The following ATL2 variants were observed in gnomAD, a reference collection of about 807,000 sequenced individuals.
ATL2 encodes atlastin GTPase 2.
In ATL2, 31 loss-of-function variants were observed where a neutral mutation model predicts 73.9. That is an observed-to-expected ratio of 0.42 (90% CI 0.32 to 0.57). ATL2 has a LOEUF of 0.57. Among genes scored for constraint, ATL2 ranks in the 20% least tolerant of loss-of-function variants. The pLI, the probability that ATL2 is intolerant of heterozygous loss-of-function variation, is 0.14. For missense variants in ATL2, 738 were observed against 702.6 expected (o/e 1.05, Z -0.57); for synonymous variants, 291 against 237.5 (o/e 1.23, Z -2.07).
At chr2:38,339,160 G>C (rs1669549549) in intron 2 of ATL2, among the ~76,000 whole-genome samples, 1 of 152,150 alleles carries the variant, frequency 6.6e-6, no homozygotes, top group African/African-American at 2.4e-5. Flanking sequence ...AGGTTGCAGT[G>C]AGCCGAGACT....
intron 2 of ATL2, among the ~76,000 whole-genome samples, chr2:38,340,218 G>A (rs1051346626): frequency 9.5e-5 from 14 of 147,620 alleles, no homozygotes; most frequent in Non-Finnish European, 2.1e-4. Context: ...ACACAAAGTG[G>A]GGGTTGTTCT....
At chr2:38,325,899 GTTTGT>G (rs1267852793) in intron 2 of ATL2, among the ~76,000 whole-genome samples, 8 of 31,514 alleles carry the variant, frequency 2.5e-4, no homozygotes, top group African/African-American at 1.0e-3. Flanking sequence ...TTGTTTGTTT[GTTTGT>G]TTAAAAAAAA....
At chr2:38,297,969 T>G in intron 12 of ATL2, 175 bp downstream of exon 12, 2 of 649,896 alleles carry the variant, frequency 3.1e-6, no homozygotes, top group Non-Finnish European at 5.1e-6. Flanking sequence ...ACATTAAAAT[T>G]ATAACTTTAA....
At chr2:38,355,087 G>C (rs1670580804) in intron 1 of ATL2, among the ~76,000 whole-genome samples, 2 of 149,278 alleles carry the variant, frequency 1.3e-5, no homozygotes, top group South Asian at 2.2e-4. Flanking sequence ...AAAACGCAGA[G>C]ACTGCCAGAC....
At chr2:38,353,513 A>T (rs1274963371) in intron 1 of ATL2, among the ~76,000 whole-genome samples, 7 of 152,210 alleles carry the variant, frequency 4.6e-5, no homozygotes, top group Non-Finnish European at 1.5e-5. Flanking sequence ...GTGAGGCTGG[A>T]GCTGAAAAAA....
At chr2:38,321,484 T>C (rs1031076618) in intron 2 of ATL2, among the ~76,000 whole-genome samples, 2 of 152,132 alleles carry the variant, frequency 1.3e-5, no homozygotes, top group East Asian at 3.9e-4. Context: ...ATTTTGACAC[T>C]CCCCGGACAA....
At chr2:38,356,376 A>C (rs1469092631) in intron 1 of ATL2, among the ~76,000 whole-genome samples, 1 of 151,484 alleles carries the variant, frequency 6.6e-6, no homozygotes, top group Admixed American at 6.6e-5. Flanking sequence ...TTTTGTAGAG[A>C]TAGGGTTTCA....
At chr2:38,338,499 C>T (rs976186357) in intron 2 of ATL2, among the ~76,000 whole-genome samples, 2 of 151,266 alleles carry the variant, frequency 1.3e-5, no homozygotes, top group African/African-American at 4.9e-5. Context: ...TGGATTGTAA[C>T]TCAAGTATAA....
At chr2:38,301,773 T>G (rs1255262141) in intron 9 of ATL2, among the ~76,000 whole-genome samples, 2 of 152,174 alleles carry the variant, frequency 1.3e-5, no homozygotes, top group Admixed American at 6.5e-5. Flanking sequence ...CTGCAATTCC[T>G]GGGCAGGTCC....
chr2:38,371,068 C>T (rs988509298), intron 1 of ATL2, among the ~76,000 whole-genome samples: 27 of 152,242 alleles, frequency 1.8e-4, no homozygotes, highest in Admixed American at 1.0e-3. Context: ...CTTTTGGCAT[C>T]CCACAAATTC....
intron 1 of ATL2, among the ~76,000 whole-genome samples, chr2:38,353,082 T>A (rs761422111): frequency 6.6e-6 from 1 of 151,972 alleles, no homozygotes; most frequent in Non-Finnish European, 1.5e-5. Context: ...AAGAAGGAAA[T>A]GTAGCCCATA....
At chr2:38,304,048 G>A (rs945501998) in intron 9 of ATL2, among the ~76,000 whole-genome samples, 2 of 152,166 alleles carry the variant, frequency 1.3e-5, no homozygotes, top group Admixed American at 6.5e-5. Flanking sequence ...AGGATCACTT[G>A]AGGCCAGGAG....
Position 38,371,769 on chromosome 2 carries a change from G to A in ATL2, c.118+5374C>T, listed in dbSNP as rs577996410. 5.3e-4 allele frequency among the ~76,000 whole-genome samples: 80 copies of A among 152,064 alleles called. 1 individual carries two copies. The East Asian group carries it at 6.2e-3, about 12-fold the overall frequency. ...AAAAATTAGCTGGACGTGGTGGCAC[G>A]CGTCTGTAGTCCCAGATACTCAGGG... On this transcript the variant is annotated intron_variant, in intron 1 of 12. Transcript: ENST00000378954.
At position 38,318,915 on chromosome 2, in the gene ATL2, T is replaced by C. The variant is rs759672367; in HGVS notation, c.468A>G (p.Val156=). ...TTCCATTAGGTCTGTCAATCACAAATACTTCATTCCAAACTTGTATGCCTG... is the reference window on the plus strand; with the variant it reads ...TTCCATTAGGTCTGTCAATCACAAACACTTCATTCCAAACTTGTATGCCTG... ...ETTGIQVWNE[V]FVIDRPNGTK... is the part of the protein sequence containing the mutation. The change falls in exon 3 of 13, where the codon GTA becomes GTG. Residue 156 remains valine, a synonymous_variant. Transcript: ENST00000378954. 5 of 1,614,006 alleles carry C rather than the reference T, an allele frequency of 3.1e-6. No individual in the cohort carries two copies. Among genetic ancestry groups the C allele is most frequent in the Non-Finnish European group, 4.2e-6 (5 of 1,179,974 alleles).
At chr2:38,373,626 T>C (rs1221602713) in intron 1 of ATL2, among the ~76,000 whole-genome samples, 1 of 152,208 alleles carries the variant, frequency 6.6e-6, no homozygotes, top group Non-Finnish European at 1.5e-5. Context: ...TGAAGGTGGC[T>C]ACTTAAATAC....
intron 9 of ATL2, among the ~76,000 whole-genome samples, chr2:38,302,120 A>T (rs1228078219): frequency 6.6e-6 from 1 of 152,196 alleles, no homozygotes; most frequent in African/African-American, 2.4e-5. Flanking sequence ...GGGTATGACC[A>T]AGTCCTGGCA....
At position 38,355,320 on chromosome 2, in the gene ATL2, T is replaced by A. The variant is rs558982610; in HGVS notation, c.119-11808A>T. The stretch of plus-strand genomic sequence containing the variant: ...TTCTGTATTTTTAGTAGAGACAGGG[T>A]TTCATCACATTGGTCAGGCTGGTCT... On this transcript the variant is annotated intron_variant, in intron 1 of 12. Transcript: ENST00000378954. Among the ~76,000 whole-genome samples the A allele has an allele frequency of 1.6e-4, 24 of 152,208 alleles. No individual in the cohort carries two copies. The East Asian group carries it at 4.4e-3, about 28-fold the overall frequency.
At chr2:38,327,605 ACAAT>A (rs1432521803) in intron 2 of ATL2, among the ~76,000 whole-genome samples, 2 of 151,962 alleles carry the variant, frequency 1.3e-5, no homozygotes, top group Non-Finnish European at 2.9e-5. Flanking sequence ...AATTATATCA[ACAAT>A]CACTTTAGAT....
chr2:38,296,491 T>C, intron 12 of ATL2: 1 of 1,612,052 alleles, frequency 6.2e-7, no homozygotes, highest in East Asian at 2.2e-5. Flanking sequence ...GTCTAATTTT[T>C]CTTCTTGTTA....
Sources: allele counts gnomAD v4.1 joint callset (sites outside exome capture counted in the v4.1 genomes callset), GRCh38; gene constraint gnomAD v4.1.1; transcripts MANE v1.5; gene names NCBI Gene and HGNC (gene_info 2026-07-23, HGNC 2026-07-21).